APOL5: variants seen among roughly 807,000 people sequenced by gnomAD.
APOL5 encodes the protein apolipoprotein L, 5.
Under a neutral mutation model 35.5 loss-of-function variants are expected in APOL5, and 29 were observed. The observed-to-expected ratio is 0.82, with a 90% CI of 0.61 to 1.11. APOL5 has a LOEUF of 1.11. APOL5 is among the 50% of genes most tolerant of loss of function. APOL5 has a pLI of 0.00. For synonymous variants in APOL5, 188 were observed against 200.2 expected (o/e 0.94, Z 0.51); for missense variants, 514 against 530.4 (o/e 0.97, Z 0.30).
At chr22:35,715,206 T>C (rs1372811174), upstream of APOL5, among the ~76,000 whole-genome samples, 3 of 152,186 alleles carry the variant, frequency 2.0e-5, no homozygotes, top group Non-Finnish European at 2.9e-5. Context: ...TCCCGCTATA[T>C]GATCATCCTC....
At chr22:35,716,099 A>C (rs1165620998), upstream of APOL5, among the ~76,000 whole-genome samples, 4 of 152,364 alleles carry the variant, frequency 2.6e-5, no homozygotes, top group East Asian at 3.9e-4. Context: ...AAACTTACAT[A>C]GAACCAACAA....
rs961518247 is a variant in APOL5, at chr22:35,728,212, CT to C, written c.1127-503del. ...CTGGGATATGACCTGGATTTTAGACCTTTTTTTTGTTTTTTATTTTTTATTT... is the reference window on the plus strand; with the variant it reads ...CTGGGATATGACCTGGATTTTAGACCTTTTTTTGTTTTTTATTTTTTATTT... On this transcript the variant is annotated intron_variant, in intron 3 of 4. Coordinates refer to ENST00000249044, the MANE Select transcript of APOL5 (RefSeq NM_030642.1). 3.3e-5 allele frequency among the ~76,000 whole-genome samples: 5 copies of C among 152,024 alleles called. No homozygotes were observed. The South Asian group carries it at 8.3e-4, about 25-fold the overall frequency.
At chr22:35,722,968 C>T (rs1490685495) in intron 2 of APOL5, among the ~76,000 whole-genome samples, 3 of 152,132 alleles carry the variant, frequency 2.0e-5, no homozygotes, top group African/African-American at 7.2e-5. Context: ...CCTAGGTTTA[C>T]AGAGATGTTC....
chr22:35,724,862 C>T (rs1439988966), intron 2 of APOL5, among the ~76,000 whole-genome samples: 4 of 152,166 alleles, frequency 2.6e-5, no homozygotes, highest in Non-Finnish European at 4.4e-5. Context: ...CCACCCGCCT[C>T]GGTGTCCCAA....
Position 35,726,462 on chromosome 22 carries a change from G to T in APOL5, c.394G>T (p.Glu132Ter). ...TLADQVDTTH[E>*]LLTKTSLVAS... ...TGCGGACCAAGTTGACACCACTCAC[G>T]AGTTGCTTACCAAGACCAGCCTGGT... is the stretch of plus-strand genomic sequence containing the variant. Residue 132 changes from glutamate (E) to a stop codon, truncating the protein, a stop_gained, in exon 3 of 5, where the codon GAG becomes TAG. Transcript: ENST00000249044. LOFTEE classifies it high-confidence loss of function. The T allele has an allele frequency of 1.9e-6, 3 of 1,614,162 alleles. No homozygotes were observed. The highest frequency in any genetic ancestry group is 1.7e-5 in the Admixed American group (1 of 60,022).
intron 2 of APOL5, among the ~76,000 whole-genome samples, chr22:35,720,940 T>C (rs1446847040): frequency 1.3e-5 from 2 of 152,218 alleles, no homozygotes; most frequent in East Asian, 3.9e-4. Context: ...GAGATGGAGT[T>C]TCCCCATGTT....
Position 35,726,639 on chromosome 22 carries a change from G to T in APOL5, c.571G>T (p.Glu191Ter), listed in dbSNP as rs558909936. The T allele has an allele frequency of 1.2e-6, 2 of 1,614,200 alleles. No individual in the cohort carries two copies. Among genetic ancestry groups the T allele is most frequent in the South Asian group, 2.2e-5 (2 of 91,078 alleles). The part of the protein sequence containing the change: ...AITNIVTNVL[E>*]NRSNSAARDK... The stretch of plus-strand genomic sequence containing the variant: ...CACCAACATAGTAACAAATGTCTTA[G>T]AAAATAGAAGCAATTCAGCAGCAAG... Residue 191 changes from glutamate (E) to a stop codon, truncating the protein, a stop_gained, in exon 3 of 5, where the codon GAA becomes TAA. Transcript: ENST00000249044. LOFTEE classifies it high-confidence loss of function.
chr22:35,726,433 C>A lies in APOL5; in HGVS notation c.365C>A (p.Thr122Asn), dbSNP rs572416546. The A allele has an allele frequency of 3.7e-6, 6 of 1,614,174 alleles. No individual in the cohort carries two copies. Among genetic ancestry groups the A allele is most frequent in the East Asian group, 2.2e-5 (1 of 44,874 alleles). ...GAACAGAACATCAAAGAACTTAACA[C>A]CCTTGCGGACCAAGTTGACACCACT... is the stretch of plus-strand genomic sequence containing the variant. ...ELEQNIKELN[T>N]LADQVDTTHE... The change falls in exon 3 of 5, where the codon ACC (threonine) becomes AAC (asparagine). Residue 122 changes from threonine to asparagine, a missense_variant. Transcript: ENST00000249044.
chr22:35,709,552 A>G, the APOL5 span, among the ~76,000 whole-genome samples: 5,384 of 152,278 alleles, frequency 0.035, 127 homozygotes, highest in Middle Eastern at 0.078. Context: ...CCCTGCTGCC[A>G]CCATTCAGCA....
chr22:35,716,746 T>C (rs74406526), upstream of APOL5, among the ~76,000 whole-genome samples: 1,526 of 74,318 alleles, frequency 0.021, 13 homozygotes, highest in Middle Eastern at 0.089. Flanking sequence ...ACATATATAG[T>C]ACTTAAAAAA....
At chr22:35,728,965 CTTGG>C in intron 4 of APOL5, 61 bp downstream of exon 4, 1 of 1,477,240 alleles carries the variant, frequency 6.8e-7, no homozygotes, top group Non-Finnish European at 9.0e-7. Flanking sequence ...GTAACCCCTC[CTTGG>C]GTGGGTGGGC....
intron 1 of APOL5, 43 bp downstream of exon 1, chr22:35,717,969 T>C: frequency 6.8e-7 from 1 of 1,471,936 alleles, no homozygotes; most frequent in African/African-American, 1.4e-5. Context: ...ATTCTCACGT[T>C]GTACAAATTG....
At chr22:35,721,226 AT>A (rs1164533703) in intron 2 of APOL5, among the ~76,000 whole-genome samples, 1 of 152,114 alleles carries the variant, frequency 6.6e-6, no homozygotes, top group Non-Finnish European at 1.5e-5. Flanking sequence ...CGCATAAAAA[AT>A]ATCTTAGTAA....
At position 35,726,945 on chromosome 22, in the gene APOL5, G is replaced by T; in HGVS notation, c.877G>T (p.Val293Leu). ...TTLAMTNGAW[V>L]MGAAGAGFLL... ...TCTGGCCATGACCAATGGTGCCTGG[G>T]TGATGGGTGCTGCTGGGGCTGGCTT... Residue 293 changes from valine (V) to leucine (L), a missense_variant, in exon 3 of 5, where the codon GTG becomes TTG. Coordinates refer to ENST00000249044, the MANE Select transcript of APOL5 (RefSeq NM_030642.1). 1 of 1,614,224 alleles carries T rather than the reference G, an allele frequency of 6.2e-7. No individual in the cohort carries two copies. The highest frequency in any genetic ancestry group is 8.5e-7 in the Non-Finnish European group (1 of 1,180,038).
chr22:35,728,677 A>T (rs750219467), intron 3 of APOL5, 46 bp from the exon 4 acceptor site: 13 of 1,588,576 alleles, frequency 8.2e-6, no homozygotes, highest in Middle Eastern at 3.4e-4. Context: ...CCAGGGGCAG[A>T]TCTCTTTCTT....
In APOL5 at chr22:35,726,252, T is replaced by C. The variant is rs1276517137; in HGVS notation, c.184T>C (p.Leu62=). Residue 62 remains leucine, a synonymous_variant, in exon 3 of 5, where the codon TTG becomes CTG. Coordinates refer to ENST00000249044, the MANE Select transcript of APOL5 (RefSeq NM_030642.1). The part of the protein sequence containing the change: ...NLCQSWKINN[L]MSTVHSDEAG... Reference sequence around the variant, plus strand: ...GTGCCAGAGTTGGAAAATTAACAATTTGATGTCAACTGTCCACAGTGATGA... The same window carrying C: ...GTGCCAGAGTTGGAAAATTAACAATCTGATGTCAACTGTCCACAGTGATGA... 6.2e-7 allele frequency: 1 copy of C among 1,612,176 alleles called. No individual in the cohort carries two copies. Among genetic ancestry groups the C allele is most frequent in the Non-Finnish European group, 8.5e-7 (1 of 1,178,270 alleles).
chr22:35,709,797 T>A, the APOL5 span, among the ~76,000 whole-genome samples: 25 of 152,144 alleles, frequency 1.6e-4, no homozygotes, highest in Non-Finnish European at 2.2e-4. Context: ...ATAGTGTCTG[T>A]TTTCTCTTGT....
chr22:35,720,508 A>G (rs1305551768), intron 1 of APOL5, 60 bp from the exon 2 acceptor site: 28 of 1,488,172 alleles, frequency 1.9e-5, no homozygotes, highest in Non-Finnish European at 2.5e-5. Context: ...GAGCACTGTT[A>G]TGTCTTTTCG....
chr22:35,726,448 T>C lies in APOL5; in HGVS notation c.380T>C (p.Val127Ala), dbSNP rs751240367. ...GAACTTAACACCCTTGCGGACCAAG[T>C]TGACACCACTCACGAGTTGCTTACC... is the stretch of plus-strand genomic sequence containing the variant. The part of the protein sequence containing the change: ...IKELNTLADQ[V>A]DTTHELLTKT... Residue 127 changes from valine (V) to alanine (A), a missense_variant, in exon 3 of 5, where the codon GTT becomes GCT. This residue lies in a region of APOL5 where 254 missense variants were observed against 254.7 expected (regional missense o/e 1.00). Transcript: ENST00000249044. The C allele has an allele frequency of 6.2e-7, 1 of 1,614,158 alleles. No homozygotes were observed. Among genetic ancestry groups the C allele is most frequent in the Non-Finnish European group, 8.5e-7 (1 of 1,180,034 alleles).
Sources: gnomAD v4.1 joint callset for allele counts (sites outside exome capture counted in the v4.1 genomes callset) on GRCh38, gnomAD v4.1.1 for gene constraint, gnomAD v4.1.1 regional missense constraint, MANE v1.5 for transcripts, NCBI Gene and HGNC (gene_info 2026-07-23, HGNC 2026-07-21) for gene names.